Variants in RBFOX1 observed in about 807,000 individuals in gnomAD.
RBFOX1 encodes RNA binding fox-1 homolog 1.
In RBFOX1, 8 loss-of-function variants were observed where a neutral mutation model predicts 57.7. The ratio of observed to expected loss-of-function variants is 0.14; its 90% CI spans 0.08 to 0.25. The LOEUF is 0.25. Among genes scored for constraint, RBFOX1 ranks in the 10% least tolerant of loss-of-function variants. The pLI is 1.00. For missense variants in RBFOX1, 611 were observed against 548.5 expected (o/e 1.11, Z -1.14); for synonymous variants, 326 against 222.4 (o/e 1.47, Z -4.15).
At chr16:5,386,483 C>T (rs747237812) in intron 1 of RBFOX1, among the ~76,000 whole-genome samples, 3 of 152,096 alleles carry the variant, frequency 2.0e-5, no homozygotes, top group Admixed American at 6.5e-5. Context: ...TTCATATTCC[C>T]GATATTTTCT....
At chr16:7,584,345 T>G (rs1262416952) in intron 6 of RBFOX1, among the ~76,000 whole-genome samples, 1 of 152,088 alleles carries the variant, frequency 6.6e-6, no homozygotes, top group Non-Finnish European at 1.5e-5. Flanking sequence ...CAGGCTGGAG[T>G]GCAATGGCAC....
At chr16:5,678,808 C>T (rs1161133180) in intron 3 of RBFOX1, among the ~76,000 whole-genome samples, 1 of 152,186 alleles carries the variant, frequency 6.6e-6, no homozygotes, top group Non-Finnish European at 1.5e-5. Context: ...TTTGAGTCAA[C>T]CCGCTGTTCT....
intron 4 of RBFOX1, among the ~76,000 whole-genome samples, chr16:7,349,773 T>G (rs184685052): frequency 1.3e-5 from 2 of 152,154 alleles, no homozygotes; most frequent in African/African-American, 4.8e-5. Flanking sequence ...TAAGACCACT[T>G]ATATCCTATT....
chr16:6,423,884 G>A (rs1465498292), intron 2 of RBFOX1, among the ~76,000 whole-genome samples: 2 of 152,122 alleles, frequency 1.3e-5, no homozygotes, highest in African/African-American at 4.8e-5. Flanking sequence ...CACAGAGGGC[G>A]GGGAGCTCCG....
intron 1 of RBFOX1, among the ~76,000 whole-genome samples, chr16:6,146,012 G>C (rs1365073758): frequency 1.3e-5 from 2 of 152,282 alleles, no homozygotes; most frequent in African/African-American, 4.8e-5. Context: ...CAGTGTGGAG[G>C]TTAAGATGAT....
At chr16:6,022,314 AGAATC>A (rs1260569947) in intron 1 of RBFOX1, among the ~76,000 whole-genome samples, 2 of 152,102 alleles carry the variant, frequency 1.3e-5, no homozygotes, top group Non-Finnish European at 2.9e-5. Flanking sequence ...TGAAAACACA[AGAATC>A]GAAGAATATT....
At chr16:5,655,132 C>A (rs1210618521) in intron 3 of RBFOX1, among the ~76,000 whole-genome samples, 1 of 152,164 alleles carries the variant, frequency 6.6e-6, no homozygotes, top group African/African-American at 2.4e-5. Flanking sequence ...TCAAATGGAA[C>A]ATATTTTATT....
At chr16:6,840,702 C>T (rs1021737541) in intron 3 of RBFOX1, among the ~76,000 whole-genome samples, 2 of 151,864 alleles carry the variant, frequency 1.3e-5, no homozygotes, top group Admixed American at 1.3e-4. Flanking sequence ...TCCTGGCCAA[C>T]ATGGTGAAAC....
chr16:7,153,194 A>AT (rs5815379), intron 4 of RBFOX1, among the ~76,000 whole-genome samples: 25,810 of 150,922 alleles, frequency 0.17, 2,204 homozygotes, highest in East Asian at 0.25. Flanking sequence ...GGACATAATC[A>AT]TTTTTTTTTT....
intron 3 of RBFOX1, among the ~76,000 whole-genome samples, chr16:6,887,570 T>TC (rs2064374006): frequency 6.6e-6 from 1 of 150,690 alleles, no homozygotes; most frequent in African/African-American, 2.4e-5. Flanking sequence ...CTTTTTTTTT[T>TC]CCTTTCGAAT....
At chr16:5,856,187 C>CTATA (rs1200113050) in intron 3 of RBFOX1, among the ~76,000 whole-genome samples, 465 of 31,064 alleles carry the variant, frequency 0.015, 19 homozygotes, top group South Asian at 0.027. Flanking sequence ...CTCTCTCTCT[C>CTATA]TATATATATA....
chr16:6,183,984 T>C (rs1403872694), intron 1 of RBFOX1, among the ~76,000 whole-genome samples: 2 of 152,186 alleles, frequency 1.3e-5, no homozygotes, highest in African/African-American at 4.8e-5. Context: ...AAAAGTGGTT[T>C]AATGGACTTC....
At chr16:7,215,810 T>C (rs553101346) in intron 4 of RBFOX1, among the ~76,000 whole-genome samples, 33 of 150,750 alleles carry the variant, frequency 2.2e-4, no homozygotes, top group South Asian at 1.5e-3. Flanking sequence ...CTGCAAGCTC[T>C]GCCTCTCGGG....
intron 1 of RBFOX1, among the ~76,000 whole-genome samples, chr16:6,131,130 T>C (rs2096626808): frequency 6.6e-6 from 1 of 152,196 alleles, no homozygotes; most frequent in South Asian, 2.1e-4. Flanking sequence ...TTCAGAACAC[T>C]CATTCCTTTA....
chr16:5,541,720 G>A (rs1018200699), intron 2 of RBFOX1, among the ~76,000 whole-genome samples: 2 of 152,092 alleles, frequency 1.3e-5, no homozygotes, highest in East Asian at 3.8e-4. Context: ...TCCTTTCACA[G>A]TATCCTTACA....
chr16:5,840,267 G>A (rs1353829374), intron 3 of RBFOX1, among the ~76,000 whole-genome samples: 3 of 152,174 alleles, frequency 2.0e-5, no homozygotes, highest in Non-Finnish European at 4.4e-5. Flanking sequence ...TCCTGACAGC[G>A]CTGTCCTTGG....
intron 2 of RBFOX1, among the ~76,000 whole-genome samples, chr16:6,637,158 T>G (rs1156477898): frequency 4.8e-5 from 4 of 82,512 alleles, no homozygotes; most frequent in Non-Finnish European, 6.1e-5. Flanking sequence ...ATACAATATA[T>G]ATTATATATT....
At chr16:6,860,484 C>G (rs902686105) in intron 3 of RBFOX1, among the ~76,000 whole-genome samples, 1 of 152,200 alleles carries the variant, frequency 6.6e-6, no homozygotes, top group South Asian at 2.1e-4. Flanking sequence ...TATATTGATG[C>G]ACCTGCTTTG....
intron 4 of RBFOX1, among the ~76,000 whole-genome samples, chr16:7,204,537 G>C (rs558587740): frequency 4.6e-5 from 7 of 152,058 alleles, no homozygotes; most frequent in African/African-American, 1.4e-4. Flanking sequence ...TCCCAGTTAC[G>C]CAGGAAGCTG....
Sources: gnomAD v4.1 joint callset for allele counts (sites outside exome capture counted in the v4.1 genomes callset) on GRCh38, gnomAD v4.1.1 for gene constraint, MANE v1.5 for transcripts, NCBI Gene and HGNC (gene_info 2026-07-23, HGNC 2026-07-21) for gene names.